Variants in QTGAL observed in about 807,000 individuals in gnomAD.
QTGAL encodes queuosine-tRNA galactosyltransferase, also known as BGnT-like protein 1.
At chr17:83,035,343 C>T in the QTGAL span, among the ~76,000 whole-genome samples, 8 of 152,104 alleles carry the variant, frequency 5.3e-5, no homozygotes, top group Admixed American at 1.3e-4. Context: ...CCACGCCTGG[C>T]GAATTTTGTA....
At chr17:82,942,657 CCTTCA>C in the QTGAL span, 1 of 654,606 alleles carries the variant, frequency 1.5e-6, no homozygotes, top group Non-Finnish European at 2.7e-6. Flanking sequence ...GACGCCTCTG[CCTTCA>C]CTTGAACACA....
the QTGAL span, among the ~76,000 whole-genome samples, chr17:83,038,346 C>G: frequency 1.3e-5 from 2 of 152,162 alleles, no homozygotes; most frequent in Non-Finnish European, 2.9e-5. Context: ...TCCTTCAGAA[C>G]TTTACAACGG....
the QTGAL span, among the ~76,000 whole-genome samples, chr17:83,024,304 C>T: frequency 6.6e-6 from 1 of 152,232 alleles, no homozygotes; most frequent in African/African-American, 2.4e-5. Flanking sequence ...CGGGCAGGCC[C>T]TGCTTCTGAA....
chr17:83,040,350 C>T, the QTGAL span, among the ~76,000 whole-genome samples: 1 of 152,110 alleles, frequency 6.6e-6, no homozygotes, highest in Non-Finnish European at 1.5e-5. Context: ...CTTTTTCAGC[C>T]CCATGCAATA....
the QTGAL span, among the ~76,000 whole-genome samples, chr17:82,979,040 A>T: frequency 0.011 from 1,608 of 152,318 alleles, 17 homozygotes; most frequent in Middle Eastern, 0.078. Context: ...AGGTCTGAGG[A>T]CAAAAAACTC....
At chr17:82,960,988 C>T in the QTGAL span, 1 of 1,535,508 alleles carries the variant, frequency 6.5e-7, no homozygotes, top group Middle Eastern at 2.3e-4. Flanking sequence ...CCAACCCCGG[C>T]CCCGACCTCG....
the QTGAL span, among the ~76,000 whole-genome samples, chr17:83,043,799 TA>T: frequency 6.6e-6 from 1 of 151,886 alleles, no homozygotes; most frequent in African/African-American, 2.4e-5. Flanking sequence ...AATGCTGAAA[TA>T]AAAAGTGGTA....
At chr17:83,015,655 C>G in the QTGAL span, among the ~76,000 whole-genome samples, 2 of 152,352 alleles carry the variant, frequency 1.3e-5, no homozygotes, top group South Asian at 4.1e-4. The surrounding 1 kb of genome is among the most constrained non-coding windows in gnomAD (Gnocchi z 4.4). Context: ...GCGCCATGGA[C>G]CAGGCCACAC....
At chr17:83,005,246 A>T in the QTGAL span, 2 of 1,550,834 alleles carry the variant, frequency 1.3e-6, no homozygotes, top group South Asian at 1.2e-5. The surrounding 1 kb of genome is among the most constrained non-coding windows in gnomAD (Gnocchi z 5.6). Flanking sequence ...CTCAAAACAA[A>T]GTCAGGTACG....
the QTGAL span, among the ~76,000 whole-genome samples, chr17:83,032,992 C>T: frequency 2.6e-5 from 4 of 152,204 alleles, no homozygotes; most frequent in African/African-American, 9.6e-5. Flanking sequence ...GGGCGGCTCC[C>T]GCGTAAATCC....
chr17:83,044,348 C>T, the QTGAL span, among the ~76,000 whole-genome samples: 21 of 152,234 alleles, frequency 1.4e-4, no homozygotes, highest in Middle Eastern at 0.014. Context: ...TATCAATCAA[C>T]GTAACATACC....
At chr17:83,019,600 G>C in the QTGAL span, among the ~76,000 whole-genome samples, 1 of 152,168 alleles carries the variant, frequency 6.6e-6, no homozygotes, top group Admixed American at 6.5e-5. Context: ...ATCTGGAGGC[G>C]GAGGCGGCGG....
the QTGAL span, among the ~76,000 whole-genome samples, chr17:83,018,217 T>C: frequency 1.2e-3 from 171 of 144,892 alleles, 1 homozygote; most frequent in Middle Eastern, 0.012. Context: ...GGCGTGCCTG[T>C]ATCAGGTACC....
chr17:83,006,864 CG>C, the QTGAL span: 1 of 952,646 alleles, frequency 1.0e-6, no homozygotes, highest in African/African-American at 1.8e-5. The surrounding 1 kb of genome is among the most constrained non-coding windows in gnomAD (Gnocchi z 5.8). Flanking sequence ...GAGCAACTGC[CG>C]GGTCACAGAA....
chr17:82,995,751 C>G, the QTGAL span, among the ~76,000 whole-genome samples: 1 of 152,038 alleles, frequency 6.6e-6, no homozygotes, highest in Non-Finnish European at 1.5e-5. Flanking sequence ...ATCTCATTTA[C>G]AATAGCTACA....
the QTGAL span, among the ~76,000 whole-genome samples, chr17:83,050,697 C>G: frequency 1.3e-5 from 2 of 152,228 alleles, no homozygotes; most frequent in South Asian, 4.1e-4. Flanking sequence ...AGGGCCTTTG[C>G]TCCAGCCTCT....
At chr17:82,952,491 C>T in the QTGAL span, among the ~76,000 whole-genome samples, 2 of 152,190 alleles carry the variant, frequency 1.3e-5, no homozygotes, top group African/African-American at 4.8e-5. Context: ...GTAAAGGGAT[C>T]AATGCAACAA....
chr17:83,009,285 G>A, the QTGAL span, among the ~76,000 whole-genome samples: 3 of 152,056 alleles, frequency 2.0e-5, no homozygotes, highest in Non-Finnish European at 4.4e-5. Flanking sequence ...TTAGCCGGGC[G>A]TGGTGGCGCA....
chr17:83,008,286 T>C, the QTGAL span, among the ~76,000 whole-genome samples: 1 of 152,194 alleles, frequency 6.6e-6, no homozygotes, highest in South Asian at 2.1e-4. Context: ...TTTCGAGAAG[T>C]GTTGTGAGCT....
Sources: gnomAD v4.1 joint callset for allele counts (sites outside exome capture counted in the v4.1 genomes callset) on GRCh38, gnomAD v4.1.1 for gene constraint, Gnocchi (gnomAD v3.1) non-coding constraint, MANE v1.5 for transcripts, NCBI Gene and HGNC (gene_info 2026-07-23, HGNC 2026-07-21) for gene names.